Variants in CA10 observed in about 807,000 individuals in gnomAD.
CA10 encodes the protein carbonic anhydrase 10 (inactive), also known as carbonic anhydrase-related protein 10.
A neutral mutation model predicts 44.2 loss-of-function variants in CA10; 14 were observed. The ratio of observed to expected loss-of-function variants is 0.32; its 90% CI spans 0.21 to 0.50. The LOEUF is 0.50. CA10 is among the 20% of genes least tolerant of loss of function. The probability of loss-of-function intolerance (pLI) is 0.99; values close to 1 mark genes in which losing one functional copy is unlikely to be tolerated. For synonymous variants in CA10, 159 were observed against 141.6 expected, an observed-to-expected ratio of 1.12 and a Z score of -0.87; for missense variants, 350 against 409.7, an observed-to-expected ratio of 0.85 and a Z score of 1.26.
At chr17:51,817,973 C>T (rs1211302052) in intron 3 of CA10, among the ~76,000 whole-genome samples, 1 of 152,216 alleles carries the variant, frequency 6.6e-6, no homozygotes, top group Non-Finnish European at 1.5e-5. Context: ...TACAACCCAA[C>T]ATTGCTTTCT....
At chr17:51,728,688 T>C (rs1398579912) in intron 4 of CA10, among the ~76,000 whole-genome samples, 1 of 152,198 alleles carries the variant, frequency 6.6e-6, no homozygotes, top group Non-Finnish European at 1.5e-5. Context: ...TTTGATCACT[T>C]GGCCCAGGTG....
At chr17:51,934,059 A>G (rs950553789) in intron 2 of CA10, among the ~76,000 whole-genome samples, 14 of 152,104 alleles carry the variant, frequency 9.2e-5, no homozygotes, top group African/African-American at 3.1e-4. Context: ...TGCTCAGCCA[A>G]TCGAGGAAGA....
At chr17:52,040,751 C>T (rs1481597530) in intron 2 of CA10, among the ~76,000 whole-genome samples, 1 of 151,942 alleles carries the variant, frequency 6.6e-6, no homozygotes. Flanking sequence ...TCGGAGAGAC[C>T]AAGGCAGCTA....
At chr17:52,133,432 A>G (rs1402733398) in intron 1 of CA10, among the ~76,000 whole-genome samples, 1 of 152,186 alleles carries the variant, frequency 6.6e-6, no homozygotes, top group Non-Finnish European at 1.5e-5. Flanking sequence ...TAATCTGGAA[A>G]GTCAGTGAAG....
chr17:52,065,589 C>T (rs548182910), intron 2 of CA10, among the ~76,000 whole-genome samples: 2 of 152,308 alleles, frequency 1.3e-5, no homozygotes, highest in South Asian at 4.1e-4. Context: ...TGGCCCTCTT[C>T]TCTGACTTTG....
At chr17:51,635,528 A>G (rs1912786418) in intron 7 of CA10, among the ~76,000 whole-genome samples, 1 of 151,964 alleles carries the variant, frequency 6.6e-6, no homozygotes. Context: ...AAGAAAAAAA[A>G]AAAGATGGAG....
intron 3 of CA10, among the ~76,000 whole-genome samples, chr17:51,789,078 C>T (rs561262183): frequency 6.6e-6 from 1 of 152,198 alleles, no homozygotes; most frequent in African/African-American, 2.4e-5. Flanking sequence ...GGCGCGATCT[C>T]AGCTTGGATC....
At chr17:51,912,768 C>A (rs1981841311) in intron 3 of CA10, among the ~76,000 whole-genome samples, 1 of 152,158 alleles carries the variant, frequency 6.6e-6, no homozygotes, top group East Asian at 1.9e-4. Flanking sequence ...GCATGTGAAG[C>A]AACACTATCA....
chr17:52,092,959 T>A (rs1309473564), intron 1 of CA10, among the ~76,000 whole-genome samples: 2 of 152,204 alleles, frequency 1.3e-5, no homozygotes, highest in African/African-American at 4.8e-5. Context: ...AAACTGGAAC[T>A]TTAAGCAAAA....
At chr17:51,956,938 T>C (rs1451927085) in intron 2 of CA10, among the ~76,000 whole-genome samples, 1 of 152,162 alleles carries the variant, frequency 6.6e-6, no homozygotes, top group Non-Finnish European at 1.5e-5. Flanking sequence ...GAGATGCTGT[T>C]CATGCTATTA....
intron 2 of CA10, among the ~76,000 whole-genome samples, chr17:52,041,243 C>G (rs1198055445): frequency 2.0e-5 from 3 of 151,946 alleles, no homozygotes; most frequent in African/African-American, 7.2e-5. Context: ...GCAAGACATA[C>G]AAAGAAGCAA....
At chr17:51,893,038 T>C (rs8075251) in intron 3 of CA10, among the ~76,000 whole-genome samples, 17,287 of 152,178 alleles carry the variant, frequency 0.11, 1,351 homozygotes, top group African/African-American at 0.23. Flanking sequence ...ACTTTATGCT[T>C]AATAAGTGAT....
chr17:51,742,344 C>T (rs1396544484), intron 4 of CA10, among the ~76,000 whole-genome samples: 8 of 152,142 alleles, frequency 5.3e-5, no homozygotes, highest in South Asian at 2.1e-4. Context: ...ACCAGGAGGT[C>T]GTGGCAGAGC....
rs1337576584 is a variant in CA10, at chr17:52,097,307, T to G, written c.62-24914A>C. On this transcript the variant is annotated intron_variant, in intron 1 of 8. Transcript: ENST00000451037. ...ATGGTATGCTACTGCAATTTTAATTTCCCCTGAATCCCAGTGAGGCTGAAC... is the reference window on the plus strand; with the variant it reads ...ATGGTATGCTACTGCAATTTTAATTGCCCCTGAATCCCAGTGAGGCTGAAC... Among the ~76,000 whole-genome samples, 3 of 152,186 alleles carry G rather than the reference T, an allele frequency of 2.0e-5. No homozygotes were observed. In the East Asian group the frequency reaches 5.8e-4, roughly 29 times the overall value.
intron 1 of CA10, among the ~76,000 whole-genome samples, chr17:52,077,578 C>G (rs1329543745): frequency 2.0e-5 from 3 of 148,138 alleles, no homozygotes; most frequent in Admixed American, 1.4e-4. Flanking sequence ...TGTCTTGGAT[C>G]TAAAAGATTT....
At chr17:52,112,524 C>T (rs927830819) in intron 1 of CA10, among the ~76,000 whole-genome samples, 4 of 152,184 alleles carry the variant, frequency 2.6e-5, no homozygotes, top group African/African-American at 4.8e-5. Flanking sequence ...AAAATGTTTG[C>T]TGACTCTTGC....
intron 2 of CA10, among the ~76,000 whole-genome samples, chr17:52,042,003 G>A (rs1437956208): frequency 1.3e-5 from 2 of 151,952 alleles, no homozygotes; most frequent in South Asian, 2.1e-4. Flanking sequence ...TCCATCAATG[G>A]ACACTTAGAT....
chr17:52,129,216 C>T (rs1989180711), intron 1 of CA10, among the ~76,000 whole-genome samples: 1 of 152,168 alleles, frequency 6.6e-6, no homozygotes, highest in African/African-American at 2.4e-5. Context: ...ATCAACCAAA[C>T]TAGCATTTAA....
intron 2 of CA10, among the ~76,000 whole-genome samples, chr17:52,048,050 A>AT (rs887459091): frequency 1.8e-4 from 27 of 151,728 alleles, no homozygotes; most frequent in Non-Finnish European, 1.9e-4. Flanking sequence ...AAATTAAAAA[A>AT]AAAAAAAACA....
Sources: gnomAD v4.1 joint callset for allele counts (sites outside exome capture counted in the v4.1 genomes callset) on GRCh38, gnomAD v4.1.1 for gene constraint, MANE v1.5 for transcripts, NCBI Gene and HGNC (gene_info 2026-07-23, HGNC 2026-07-21) for gene names.